The following ZNF804B variants were observed in gnomAD, a reference collection of about 807,000 sequenced individuals.
ZNF804B encodes the protein zinc finger protein 804B.
In ZNF804B, 80 loss-of-function variants were observed where a neutral mutation model predicts 101.4. The observed-to-expected ratio is 0.79, with a 90% CI of 0.66 to 0.95. ZNF804B has a LOEUF of 0.95. Ranked by LOEUF, ZNF804B falls within the 40% of genes least tolerant of loss-of-function variation. The probability of loss-of-function intolerance (pLI) is 0.00; values close to 1 mark genes in which losing one functional copy is unlikely to be tolerated. For synonymous variants in ZNF804B, 622 were observed against 558.8 expected, an observed-to-expected ratio of 1.11 and a Z score of -1.59; for missense variants, 1,673 against 1,561.9, an observed-to-expected ratio of 1.07 and a Z score of -1.20.
intron 1 of ZNF804B, among the ~76,000 whole-genome samples, chr7:89,043,792 A>G (rs1361878264): frequency 6.6e-6 from 1 of 152,190 alleles, no homozygotes; most frequent in Non-Finnish European, 1.5e-5. Context: ...TCTTAAGAAC[A>G]GTAAAGATTG....
chr7:89,183,184 GA>G (rs977366880), intron 1 of ZNF804B, among the ~76,000 whole-genome samples: 3 of 151,464 alleles, frequency 2.0e-5, no homozygotes, highest in East Asian at 1.9e-4. Flanking sequence ...GTGCAGTGGA[GA>G]AAAAAAATGG....
chr7:89,172,654 T>G (rs1791254495), intron 1 of ZNF804B, among the ~76,000 whole-genome samples: 1 of 152,172 alleles, frequency 6.6e-6, no homozygotes, highest in African/African-American at 2.4e-5. Context: ...ACTTGAAAAT[T>G]GAAATATAGG....
chr7:88,774,820 A>G (rs562938859), intron 1 of ZNF804B, among the ~76,000 whole-genome samples: 1 of 152,340 alleles, frequency 6.6e-6, no homozygotes, highest in East Asian at 1.9e-4. Flanking sequence ...AGCTCCTAAT[A>G]GAAAAATGAG....
intron 1 of ZNF804B, among the ~76,000 whole-genome samples, chr7:89,103,063 T>G (rs1039527172): frequency 7.5e-5 from 10 of 134,066 alleles, no homozygotes; most frequent in South Asian, 2.4e-4. Flanking sequence ...TTTTTTTTTT[T>G]TTTTTTTTTT....
chr7:88,777,065 G>C (rs747732948), intron 1 of ZNF804B, among the ~76,000 whole-genome samples: 25 of 152,156 alleles, frequency 1.6e-4, no homozygotes, highest in Non-Finnish European at 2.9e-4. Context: ...GACCTTACAA[G>C]CATGTACCTG....
At chr7:88,799,143 C>T (rs1790538653) in intron 1 of ZNF804B, among the ~76,000 whole-genome samples, 1 of 151,896 alleles carries the variant, frequency 6.6e-6, no homozygotes, top group African/African-American at 2.4e-5. Context: ...ATACTTATGC[C>T]CTGGTTTCCT....
At chr7:89,209,231 C>T (rs1442628127) in intron 1 of ZNF804B, among the ~76,000 whole-genome samples, 1 of 151,908 alleles carries the variant, frequency 6.6e-6, no homozygotes, top group Non-Finnish European at 1.5e-5. Context: ...GGAACGCCAC[C>T]GAGAGACAAT....
intron 2 of ZNF804B, among the ~76,000 whole-genome samples, chr7:89,236,224 T>C (rs1393010401): frequency 6.6e-6 from 1 of 152,106 alleles, no homozygotes; most frequent in East Asian, 1.9e-4. Context: ...ATGTCTCTAG[T>C]CTTTAGGAAG....
At chr7:89,071,001 A>G (rs371580972) in intron 1 of ZNF804B, among the ~76,000 whole-genome samples, 7 of 152,168 alleles carry the variant, frequency 4.6e-5, no homozygotes, top group Non-Finnish European at 7.4e-5. Context: ...CAAGTCTCCC[A>G]TATAAAATGG....
intron 1 of ZNF804B, among the ~76,000 whole-genome samples, chr7:89,129,135 T>C (rs894403959): frequency 6.6e-6 from 1 of 152,018 alleles, no homozygotes; most frequent in Non-Finnish European, 1.5e-5. Context: ...AATTCTTGGG[T>C]ATTAATCCCT....
At chr7:88,924,357 A>T (rs188052849) in intron 1 of ZNF804B, among the ~76,000 whole-genome samples, 1 of 151,968 alleles carries the variant, frequency 6.6e-6, no homozygotes, top group East Asian at 1.9e-4. Context: ...GCTTTCTTTG[A>T]CATATTAGGT....
At chr7:89,168,080 T>G (rs1415671054) in intron 1 of ZNF804B, among the ~76,000 whole-genome samples, 2 of 152,132 alleles carry the variant, frequency 1.3e-5, no homozygotes, top group Non-Finnish European at 2.9e-5. Flanking sequence ...AACTGTCTTG[T>G]TAGCAAAGAA....
At chr7:88,814,136 T>C (rs2115741546) in intron 1 of ZNF804B, among the ~76,000 whole-genome samples, 1 of 152,320 alleles carries the variant, frequency 6.6e-6, no homozygotes, top group African/African-American at 2.4e-5. Flanking sequence ...AATTATCATG[T>C]CAGTAAATGC....
At chr7:89,220,001 A>ATACATATGTGTG (rs1312165188) in intron 2 of ZNF804B, among the ~76,000 whole-genome samples, 2 of 135,416 alleles carry the variant, frequency 1.5e-5, no homozygotes, top group African/African-American at 5.7e-5. Flanking sequence ...ATATATGTAT[A>ATACATATGTGTG]TGCACATATA....
chr7:89,214,032 G>A (rs1354891373), intron 1 of ZNF804B, among the ~76,000 whole-genome samples: 9 of 152,194 alleles, frequency 5.9e-5, no homozygotes, highest in East Asian at 3.9e-4. Context: ...CGTGTTTTAC[G>A]CATTAATGTA....
At chr7:89,249,986 G>T (rs760422610) in intron 2 of ZNF804B, among the ~76,000 whole-genome samples, 1 of 152,056 alleles carries the variant, frequency 6.6e-6, no homozygotes, top group Non-Finnish European at 1.5e-5. Context: ...AGGAGTTCAA[G>T]ACCAGCCAGG....
At chr7:89,198,767 C>CA (rs1216323163) in intron 1 of ZNF804B, among the ~76,000 whole-genome samples, 2 of 151,434 alleles carry the variant, frequency 1.3e-5, no homozygotes, top group African/African-American at 2.4e-5. Context: ...TACAGAAAAA[C>CA]AAAAAACCTA....
intron 1 of ZNF804B, among the ~76,000 whole-genome samples, chr7:88,852,209 G>A (rs550238876): frequency 1.3e-5 from 2 of 152,182 alleles, no homozygotes; most frequent in East Asian, 3.9e-4. Flanking sequence ...CCATCATGAT[G>A]TATTATCAGA....
At chr7:88,861,178 A>G (rs1432722023) in intron 1 of ZNF804B, among the ~76,000 whole-genome samples, 1 of 152,194 alleles carries the variant, frequency 6.6e-6, no homozygotes, top group Non-Finnish European at 1.5e-5. Context: ...CGTTATGAGG[A>G]TCCCAGTCTA....
Sources: gnomAD v4.1 joint callset for allele counts (sites outside exome capture counted in the v4.1 genomes callset) on GRCh38, gnomAD v4.1.1 for gene constraint, MANE v1.5 for transcripts, NCBI Gene and HGNC (gene_info 2026-07-23, HGNC 2026-07-21) for gene names.